ANKS1B: variants seen among roughly 807,000 people sequenced by gnomAD.
ANKS1B encodes the protein ankyrin repeat and sterile alpha motif domain-containing protein 1B.
A neutral mutation model predicts 148.3 loss-of-function variants in ANKS1B; 36 were observed. The ratio of observed to expected loss-of-function variants is 0.24; its 90% CI spans 0.19 to 0.32. The LOEUF is 0.32. ANKS1B is among the 10% of genes least tolerant of loss of function. The pLI, the probability that ANKS1B is intolerant of heterozygous loss-of-function variation, is 1.00. For synonymous variants in ANKS1B, 542 were observed against 560.8 expected, an observed-to-expected ratio of 0.97 and a Z score of 0.47; for missense variants, 1,157 against 1,542.6, an observed-to-expected ratio of 0.75 and a Z score of 4.19.
At chr12:98,904,056 A>C (rs1048529983) in intron 17 of ANKS1B, among the ~76,000 whole-genome samples, 1 of 151,970 alleles carries the variant, frequency 6.6e-6, no homozygotes, top group East Asian at 1.9e-4. Context: ...AAAATTTGAA[A>C]ATTTTATTTT....
At chr12:99,647,510 A>C (rs952599515) in intron 9 of ANKS1B, among the ~76,000 whole-genome samples, 5 of 152,190 alleles carry the variant, frequency 3.3e-5, no homozygotes, top group Admixed American at 3.3e-4. Context: ...TTGCACAGAA[A>C]ATTTACCTCT....
At chr12:99,409,806 T>A (rs79271849) in intron 11 of ANKS1B, among the ~76,000 whole-genome samples, 6 of 151,942 alleles carry the variant, frequency 3.9e-5, no homozygotes, top group Middle Eastern at 3.2e-3. Flanking sequence ...ATATAATTTT[T>A]ACTACTCAAA....
intron 1 of ANKS1B, among the ~76,000 whole-genome samples, chr12:99,838,380 G>A (rs1055854933): frequency 6.6e-6 from 1 of 152,010 alleles, no homozygotes; most frequent in African/African-American, 2.4e-5. Flanking sequence ...TCCCACCAAT[G>A]GTGTATAAGC....
At chr12:98,769,165 CTTTTTTTTTTTTTTTTTTTT>C (rs1182264550) in intron 25 of ANKS1B, among the ~76,000 whole-genome samples, 3 of 41,216 alleles carry the variant, frequency 7.3e-5, no homozygotes, top group Non-Finnish European at 1.3e-4. Context: ...GTCTTCTTTA[CTTTTTTTTTTTTTTTTTTTT>C]TTTTTTTTTG....
intron 9 of ANKS1B, among the ~76,000 whole-genome samples, chr12:99,595,226 A>C (rs2097745851): frequency 6.6e-6 from 1 of 151,960 alleles, no homozygotes; most frequent in South Asian, 2.1e-4. Flanking sequence ...GGCCTCACTG[A>C]AAATATTTTA....
intron 17 of ANKS1B, among the ~76,000 whole-genome samples, chr12:99,048,284 C>A (rs1182544338): frequency 6.6e-6 from 1 of 152,170 alleles, no homozygotes; most frequent in Non-Finnish European, 1.5e-5. Context: ...ACACAATTTT[C>A]CTTTCTGCAC....
intron 1 of ANKS1B, among the ~76,000 whole-genome samples, chr12:99,899,551 G>T (rs1033750230): frequency 6.6e-6 from 1 of 152,000 alleles, no homozygotes; most frequent in African/African-American, 2.4e-5. Context: ...ATTAGCAATA[G>T]TATTCATTTT....
chr12:99,886,710 G>A (rs771296045), intron 1 of ANKS1B, among the ~76,000 whole-genome samples: 1 of 152,150 alleles, frequency 6.6e-6, no homozygotes, highest in Non-Finnish European at 1.5e-5. Flanking sequence ...AAAATAAGAT[G>A]TGACAGACCT....
chr12:99,493,696 G>A (rs2096576001), intron 10 of ANKS1B, among the ~76,000 whole-genome samples: 1 of 152,166 alleles, frequency 6.6e-6, no homozygotes. Flanking sequence ...TTACTGAGAT[G>A]AGAAATTCAG....
intron 7 of ANKS1B, among the ~76,000 whole-genome samples, chr12:99,774,629 G>C (rs1020740510): frequency 1.3e-5 from 2 of 152,024 alleles, no homozygotes; most frequent in Non-Finnish European, 2.9e-5. Flanking sequence ...CCCACCTTGG[G>C]GTGCTTATTC....
intron 10 of ANKS1B, among the ~76,000 whole-genome samples, chr12:99,453,165 C>A (rs2095785377): frequency 6.6e-6 from 1 of 152,072 alleles, no homozygotes. Context: ...TGGTGGGTGC[C>A]TGTAGTCCCA....
At chr12:99,965,836 C>T (rs1356336674) in intron 1 of ANKS1B, among the ~76,000 whole-genome samples, 2 of 152,146 alleles carry the variant, frequency 1.3e-5, no homozygotes, top group African/African-American at 2.4e-5. Context: ...CGCTTGAACC[C>T]GGGAGGCAGA....
At chr12:99,539,816 G>A (rs1232058875) in intron 9 of ANKS1B, among the ~76,000 whole-genome samples, 1 of 152,002 alleles carries the variant, frequency 6.6e-6, no homozygotes, top group Non-Finnish European at 1.5e-5. Context: ...GGATCCTTCT[G>A]CCTCACTCTG....
chr12:99,314,567 G>C (rs1255713158), intron 12 of ANKS1B, among the ~76,000 whole-genome samples: 1 of 151,892 alleles, frequency 6.6e-6, no homozygotes, highest in African/African-American at 2.4e-5. Flanking sequence ...TACCAAAACA[G>C]ACACATAGAC....
At chr12:99,573,114 T>G (rs958564447) in intron 9 of ANKS1B, among the ~76,000 whole-genome samples, 1 of 151,972 alleles carries the variant, frequency 6.6e-6, no homozygotes, top group African/African-American at 2.4e-5. Context: ...CCTAGTGGAG[T>G]CTCAGTCAGA....
chr12:99,276,780 A>C (rs1392736618), intron 12 of ANKS1B, among the ~76,000 whole-genome samples: 1 of 152,236 alleles, frequency 6.6e-6, no homozygotes, highest in Non-Finnish European at 1.5e-5. Context: ...GCCATTTTAT[A>C]GGTAGCAGAT....
intron 17 of ANKS1B, among the ~76,000 whole-genome samples, chr12:99,020,025 G>A (rs1259305898): frequency 1.3e-5 from 2 of 151,654 alleles, no homozygotes; most frequent in African/African-American, 2.4e-5. Flanking sequence ...GATGTTTGTT[G>A]TGGTTTTAAA....
chr12:99,226,068 C>A (rs2085888744), intron 14 of ANKS1B, among the ~76,000 whole-genome samples: 1 of 151,982 alleles, frequency 6.6e-6, no homozygotes, highest in African/African-American at 2.4e-5. Flanking sequence ...TTTTTATAAG[C>A]CTCCTCAAAT....
At chr12:98,794,411 A>G (rs1472719381) in intron 22 of ANKS1B, 2 of 227,528 alleles carry the variant, frequency 8.8e-6, no homozygotes, top group Non-Finnish European at 1.7e-5. Context: ...AAAAAAAAAA[A>G]AAAAAAAAAA....
Sources: allele counts gnomAD v4.1 joint callset (sites outside exome capture counted in the v4.1 genomes callset), GRCh38; gene constraint gnomAD v4.1.1; transcripts MANE v1.5; gene names NCBI Gene and HGNC (gene_info 2026-07-23, HGNC 2026-07-21).